Variants in RIGI observed in about 807,000 individuals in gnomAD.
The protein encoded by RIGI is RNA sensor RIG-I.
chr9:32,514,418 C>A, the RIGI span, among the ~76,000 whole-genome samples: 1 of 152,274 alleles, frequency 6.6e-6, no homozygotes, highest in South Asian at 2.1e-4. Context: ...AGTTCATGTC[C>A]TTTGCAGGGT....
At chr9:32,506,348 C>T in the RIGI span, among the ~76,000 whole-genome samples, 1 of 152,124 alleles carries the variant, frequency 6.6e-6, no homozygotes, top group East Asian at 1.9e-4. Context: ...ATGATATTTC[C>T]CTCCATAGCA....
chr9:32,508,450 G>A, the RIGI span, among the ~76,000 whole-genome samples: 3 of 151,756 alleles, frequency 2.0e-5, no homozygotes, highest in African/African-American at 4.8e-5. Flanking sequence ...CACAGACAGC[G>A]AGCTGAAGCA....
the RIGI span, among the ~76,000 whole-genome samples, chr9:32,494,615 T>TA: frequency 1.9e-3 from 284 of 149,994 alleles, no homozygotes; most frequent in African/African-American, 5.7e-3. Context: ...CATTTTGTTA[T>TA]AAAAAAAAAA....
chr9:32,481,219 G>T, the RIGI span: 1 of 987,542 alleles, frequency 1.0e-6, no homozygotes, highest in Non-Finnish European at 1.5e-6. Flanking sequence ...AGAACTTTCT[G>T]GAAAGGTTCC....
At chr9:32,471,480 T>A in the RIGI span, among the ~76,000 whole-genome samples, 1 of 152,168 alleles carries the variant, frequency 6.6e-6, no homozygotes, top group Non-Finnish European at 1.5e-5. Flanking sequence ...AAAATAATGA[T>A]TAAAAGGTCC....
At chr9:32,525,440 T>G in the RIGI span, among the ~76,000 whole-genome samples, 1 of 152,264 alleles carries the variant, frequency 6.6e-6, no homozygotes, top group South Asian at 2.1e-4. Context: ...TCTGCTCATC[T>G]CCAGCACAAA....
chr9:32,503,818 G>A, the RIGI span, among the ~76,000 whole-genome samples: 1 of 152,118 alleles, frequency 6.6e-6, no homozygotes, highest in Non-Finnish European at 1.5e-5. Context: ...AAGGTGGGTG[G>A]ATCACTTGAG....
the RIGI span, among the ~76,000 whole-genome samples, chr9:32,474,840 A>G: frequency 2.0e-5 from 3 of 152,220 alleles, no homozygotes; most frequent in African/African-American, 4.8e-5. Context: ...TCAGCATTAT[A>G]TAACTAATAC....
chr9:32,490,112 T>G, the RIGI span, among the ~76,000 whole-genome samples: 1 of 152,186 alleles, frequency 6.6e-6, no homozygotes, highest in Non-Finnish European at 1.5e-5. Context: ...CAGTGGCTCA[T>G]GCCTGTAATC....
chr9:32,488,561 T>A, the RIGI span, among the ~76,000 whole-genome samples: 67,758 of 152,058 alleles, frequency 0.45, 15,511 homozygotes, highest in African/African-American at 0.55. Flanking sequence ...GGAGTTTAAG[T>A]TTTCTGGTAC....
At chr9:32,488,804 A>G in the RIGI span, 57 of 1,613,388 alleles carry the variant, frequency 3.5e-5, 2 homozygotes, top group South Asian at 6.0e-4. Context: ...TTCGCAAAAA[A>G]GACAACTTTC....
At chr9:32,473,326 C>T in the RIGI span, among the ~76,000 whole-genome samples, 10 of 140,734 alleles carry the variant, frequency 7.1e-5, no homozygotes, top group South Asian at 1.3e-3. Context: ...CTTGGTCTAC[C>T]GCCTAGGCTG....
chr9:32,524,925 C>A, the RIGI span, among the ~76,000 whole-genome samples: 1 of 145,848 alleles, frequency 6.9e-6, no homozygotes, highest in Admixed American at 6.9e-5. Context: ...CCGCTGGAGG[C>A]TATATGATCA....
the RIGI span, chr9:32,456,924 T>G: frequency 3.6e-6 from 2 of 552,114 alleles, no homozygotes; most frequent in East Asian, 5.9e-5. Context: ...CTATGAGCTC[T>G]GTTGGCCTAC....
the RIGI span, among the ~76,000 whole-genome samples, chr9:32,501,211 G>A: frequency 6.8e-6 from 1 of 148,000 alleles, no homozygotes; most frequent in Non-Finnish European, 1.5e-5. Flanking sequence ...TTGAAGATGT[G>A]TAAAAAAATC....
At chr9:32,512,167 G>A in the RIGI span, among the ~76,000 whole-genome samples, 14 of 152,244 alleles carry the variant, frequency 9.2e-5, no homozygotes, top group African/African-American at 3.4e-4. Context: ...CATTCCTTCT[G>A]AAACTATTCC....
the RIGI span, chr9:32,485,535 T>TC: frequency 2.5e-6 from 1 of 395,754 alleles, no homozygotes; most frequent in Non-Finnish European, 4.8e-6. Flanking sequence ...TAGCTTCTTT[T>TC]TTTTTTTTTT....
chr9:32,475,800 A>G, the RIGI span, among the ~76,000 whole-genome samples: 2 of 152,142 alleles, frequency 1.3e-5, no homozygotes, highest in Non-Finnish European at 2.9e-5. Flanking sequence ...AAAACCCATA[A>G]AAGAAAAAAC....
At chr9:32,499,278 T>A in the RIGI span, among the ~76,000 whole-genome samples, 1 of 149,818 alleles carries the variant, frequency 6.7e-6, no homozygotes, top group African/African-American at 2.4e-5. Context: ...TTGGTGATTA[T>A]ACATTTTGAA....
Sources: allele counts gnomAD v4.1 joint callset (sites outside exome capture counted in the v4.1 genomes callset), GRCh38; gene constraint gnomAD v4.1.1; transcripts MANE v1.5; gene names NCBI Gene and HGNC (gene_info 2026-07-23, HGNC 2026-07-21).